Variants in PARD3 observed in about 807,000 individuals in gnomAD.
The protein encoded by PARD3 is partitioning defective 3 homolog.
A neutral mutation model predicts 155.4 loss-of-function variants in PARD3; 75 were observed. The ratio of observed to expected loss-of-function variants is 0.48; its 90% CI spans 0.40 to 0.58. The LOEUF (loss-of-function observed/expected upper bound fraction) is 0.58, where lower values mean the gene tolerates loss of function less well. Ranked by LOEUF, PARD3 falls within the 20% of genes least tolerant of loss-of-function variation. PARD3 has a pLI of 0.00. For missense variants in PARD3, 1,642 were observed against 1,721.7 expected (o/e 0.95, Z 0.82); for synonymous variants, 576 against 610.5 (o/e 0.94, Z 0.83).
At chr10:34,533,778 C>G (rs571422044) in intron 2 of PARD3, among the ~76,000 whole-genome samples, 20 of 151,928 alleles carry the variant, frequency 1.3e-4, no homozygotes, top group African/African-American at 4.6e-4. Context: ...TGCACTCCAG[C>G]CTGGGTGACA....
intron 2 of PARD3, among the ~76,000 whole-genome samples, chr10:34,619,263 T>A (rs60295051): frequency 6.6e-6 from 1 of 152,028 alleles, no homozygotes. Flanking sequence ...TTGGCCAGGC[T>A]GGTCTCGAAC....
intron 22 of PARD3, among the ~76,000 whole-genome samples, chr10:34,148,695 C>G (rs2244099): frequency 6.6e-6 from 1 of 151,820 alleles, no homozygotes; most frequent in East Asian, 1.9e-4. Flanking sequence ...TAAATTTATA[C>G]GATACTTAAT....
intron 2 of PARD3, among the ~76,000 whole-genome samples, chr10:34,689,603 C>G (rs1212673172): frequency 6.6e-6 from 1 of 152,106 alleles, no homozygotes; most frequent in Non-Finnish European, 1.5e-5. Flanking sequence ...AGTGTTATTT[C>G]ACCTATTAAT....
intron 18 of PARD3, among the ~76,000 whole-genome samples, chr10:34,332,448 TA>T (rs987742319): frequency 2.0e-5 from 3 of 152,064 alleles, no homozygotes; most frequent in Admixed American, 1.3e-4. Context: ...AGAAACAAAA[TA>T]GTTTATCTCT....
chr10:34,671,290 C>A (rs2093606101), intron 2 of PARD3, among the ~76,000 whole-genome samples: 1 of 152,052 alleles, frequency 6.6e-6, no homozygotes, highest in South Asian at 2.1e-4. Context: ...AGTCAGGTAA[C>A]CCAAATATAT....
intron 22 of PARD3, among the ~76,000 whole-genome samples, chr10:34,141,140 A>G (rs1450147699): frequency 6.6e-6 from 1 of 152,186 alleles, no homozygotes; most frequent in African/African-American, 2.4e-5. Flanking sequence ...TGTACAAATC[A>G]CCCTGAATTA....
intron 5 of PARD3, among the ~76,000 whole-genome samples, chr10:34,448,876 T>A (rs1416644988): frequency 6.6e-6 from 1 of 151,424 alleles, no homozygotes; most frequent in Non-Finnish European, 1.5e-5. Context: ...TCACCACACA[T>A]ACACACAAAA....
intron 3 of PARD3, among the ~76,000 whole-genome samples, chr10:34,513,743 CAAT>C (rs955146149): frequency 7.2e-5 from 11 of 152,164 alleles, no homozygotes; most frequent in African/African-American, 2.7e-4. Context: ...ACTATACAAA[CAAT>C]GATGTATTTA....
intron 18 of PARD3, among the ~76,000 whole-genome samples, chr10:34,333,766 T>C (rs1202359951): frequency 6.6e-6 from 1 of 151,990 alleles, no homozygotes; most frequent in Non-Finnish European, 1.5e-5. Context: ...ATCTAAAATA[T>C]TTACCATCTG....
chr10:34,788,341 T>C (rs977804175), intron 1 of PARD3, among the ~76,000 whole-genome samples: 4 of 152,176 alleles, frequency 2.6e-5, no homozygotes, highest in Non-Finnish European at 5.9e-5. Context: ...CTCAGCACTC[T>C]GCTCCATTAA....
intron 22 of PARD3, among the ~76,000 whole-genome samples, chr10:34,180,071 G>A (rs143694052): frequency 2.6e-3 from 397 of 151,356 alleles, no homozygotes; most frequent in African/African-American, 9.0e-3. Flanking sequence ...TTTTTGAGAC[G>A]GAGTCTCGCT....
At chr10:34,793,324 G>C (rs781673461) in intron 1 of PARD3, among the ~76,000 whole-genome samples, 1 of 152,312 alleles carries the variant, frequency 6.6e-6, no homozygotes, top group Non-Finnish European at 1.5e-5. Flanking sequence ...GTGAGAGTCA[G>C]TTCTGCCATG....
At chr10:34,750,993 T>C (rs1433871557) in intron 1 of PARD3, among the ~76,000 whole-genome samples, 1 of 152,088 alleles carries the variant, frequency 6.6e-6, no homozygotes, top group African/African-American at 2.4e-5. Flanking sequence ...CCAGATGACC[T>C]AAGAATATGT....
chr10:34,235,980 C>T (rs1325186715), intron 22 of PARD3, among the ~76,000 whole-genome samples: 1 of 152,054 alleles, frequency 6.6e-6, no homozygotes, highest in Admixed American at 6.5e-5. Flanking sequence ...AAACTCTGCA[C>T]AACTAAAAGG....
chr10:34,119,442 G>C (rs928645188), intron 24 of PARD3, among the ~76,000 whole-genome samples, 171 bp downstream of exon 24: 1 of 152,170 alleles, frequency 6.6e-6, no homozygotes, highest in African/African-American at 2.4e-5. Flanking sequence ...CTCGCAGTAC[G>C]ACAGCCCCCC....
At chr10:34,592,546 CAG>C (rs2088807031) in intron 2 of PARD3, among the ~76,000 whole-genome samples, 1 of 152,170 alleles carries the variant, frequency 6.6e-6, no homozygotes, top group African/African-American at 2.4e-5. Flanking sequence ...GAGGCCAAGG[CAG>C]ACAGATCACC....
chr10:34,790,961 C>T (rs1477519680), intron 1 of PARD3, among the ~76,000 whole-genome samples: 4 of 152,142 alleles, frequency 2.6e-5, no homozygotes, highest in East Asian at 1.9e-4. Context: ...ATGCGTGGCA[C>T]GCACATGGGC....
At chr10:34,561,748 T>A (rs1036176405) in intron 2 of PARD3, among the ~76,000 whole-genome samples, 1 of 151,484 alleles carries the variant, frequency 6.6e-6, no homozygotes. Context: ...GAACTCCCAA[T>A]CTCAGGTGAT....
chr10:34,639,222 C>T (rs890884281), intron 2 of PARD3, among the ~76,000 whole-genome samples: 1 of 151,876 alleles, frequency 6.6e-6, no homozygotes, highest in African/African-American at 2.4e-5. Flanking sequence ...ATGGTGAAAC[C>T]CCATCTCTAC....
Sources: gnomAD v4.1 joint callset for allele counts (sites outside exome capture counted in the v4.1 genomes callset) on GRCh38, gnomAD v4.1.1 for gene constraint, MANE v1.5 for transcripts, NCBI Gene and HGNC (gene_info 2026-07-23, HGNC 2026-07-21) for gene names.